Variants in RALYL observed in about 807,000 individuals in gnomAD.
RALYL encodes RNA-binding Raly-like protein.
Under a neutral mutation model 35.1 loss-of-function variants are expected in RALYL, and 29 were observed. The ratio of observed to expected loss-of-function variants is 0.83; its 90% CI spans 0.61 to 1.13. The LOEUF is 1.13. Among genes scored for constraint, RALYL ranks in the 50% most tolerant of loss-of-function variants. RALYL has a pLI of 0.00. For missense variants in RALYL, 359 were observed against 360.4 expected (o/e 1.00, Z 0.03); for synonymous variants, 120 against 127.6 (o/e 0.94, Z 0.40).
intron 1 of RALYL, among the ~76,000 whole-genome samples, chr8:84,428,586 C>A (rs1281405427): frequency 6.6e-6 from 1 of 152,106 alleles, no homozygotes; most frequent in African/African-American, 2.4e-5. Context: ...TTGTCAGTAT[C>A]TTTGTCTCTT....
At chr8:84,625,744 A>C (rs4302839) in intron 2 of RALYL, among the ~76,000 whole-genome samples, 43,753 of 151,770 alleles carry the variant, frequency 0.29, 6,924 homozygotes, top group African/African-American at 0.42. Flanking sequence ...ACACCATACA[A>C]GCTCTCAGGA....
intron 1 of RALYL, among the ~76,000 whole-genome samples, chr8:84,332,678 T>C (rs149347229): frequency 3.3e-5 from 5 of 152,290 alleles, no homozygotes; most frequent in African/African-American, 1.2e-4. Flanking sequence ...AACTCCTACC[T>C]ATTTTCCTTT....
chr8:84,482,732 C>T (rs1172823203), intron 1 of RALYL, among the ~76,000 whole-genome samples: 5 of 151,958 alleles, frequency 3.3e-5, no homozygotes, highest in African/African-American at 9.7e-5. Context: ...GTTTCACCTC[C>T]GTTCTTGTAG....
intron 4 of RALYL, among the ~76,000 whole-genome samples, chr8:84,812,416 G>A (rs553166314): frequency 1.7e-4 from 26 of 152,210 alleles, no homozygotes; most frequent in African/African-American, 5.8e-4. Context: ...CCTTCTGCTG[G>A]GAGGTGGCAC....
At chr8:84,862,645 AAC>A (rs1191295137) in intron 6 of RALYL, among the ~76,000 whole-genome samples, 192 bp downstream of exon 6, 1 of 152,234 alleles carries the variant, frequency 6.6e-6, no homozygotes, top group Non-Finnish European at 1.5e-5. Context: ...AGGGGAGACA[AAC>A]ACAAAAATGT....
intron 1 of RALYL, among the ~76,000 whole-genome samples, chr8:84,231,359 G>C (rs1825298460): frequency 6.6e-6 from 1 of 152,158 alleles, no homozygotes; most frequent in South Asian, 2.1e-4. Flanking sequence ...ACATGTATTA[G>C]CAAATATTGT....
intron 3 of RALYL, among the ~76,000 whole-genome samples, chr8:84,803,135 C>CACAT (rs1398690242): frequency 1.3e-5 from 2 of 152,308 alleles, no homozygotes; most frequent in African/African-American, 4.8e-5. Context: ...GCAAATCACA[C>CACAT]ACATACACTA....
intron 2 of RALYL, among the ~76,000 whole-genome samples, chr8:84,668,932 G>T (rs1832629250): frequency 6.6e-6 from 1 of 151,822 alleles, no homozygotes; most frequent in Non-Finnish European, 1.5e-5. Context: ...AGCTATTGAG[G>T]TTAAATGTTC....
chr8:84,258,031 G>T (rs976359546), intron 1 of RALYL, among the ~76,000 whole-genome samples: 12 of 152,078 alleles, frequency 7.9e-5, no homozygotes, highest in African/African-American at 2.4e-4. Context: ...GTATCTACAC[G>T]AAAATTCTAG....
intron 1 of RALYL, among the ~76,000 whole-genome samples, chr8:84,479,298 T>C (rs2053812932): frequency 6.6e-6 from 1 of 152,026 alleles, no homozygotes; most frequent in Non-Finnish European, 1.5e-5. Flanking sequence ...GTTTTCTCTT[T>C]TGAATGCAAA....
intron 2 of RALYL, among the ~76,000 whole-genome samples, chr8:84,746,477 T>A (rs78106207): frequency 0.013 from 1,966 of 151,988 alleles, 45 homozygotes; most frequent in African/African-American, 0.044. Context: ...CTTCATCACA[T>A]CAAACCCAAG....
At chr8:84,455,059 C>A (rs964268677) in intron 1 of RALYL, among the ~76,000 whole-genome samples, 1 of 151,872 alleles carries the variant, frequency 6.6e-6, no homozygotes, top group Non-Finnish European at 1.5e-5. Flanking sequence ...CTTTGCCATG[C>A]AAAGGGGAAT....
intron 4 of RALYL, among the ~76,000 whole-genome samples, chr8:84,844,983 G>C (rs28582647): frequency 6.6e-6 from 1 of 151,966 alleles, no homozygotes; most frequent in Non-Finnish European, 1.5e-5. Context: ...TGGGGGAAGG[G>C]GGGAGGGATA....
chr8:84,909,632 A>G (rs929176896), intron 8 of RALYL, among the ~76,000 whole-genome samples: 1 of 152,162 alleles, frequency 6.6e-6, no homozygotes, highest in African/African-American at 2.4e-5. Flanking sequence ...TGGGTTAGTT[A>G]CAGCCAAATA....
At chr8:84,842,789 C>T (rs543981438) in intron 4 of RALYL, among the ~76,000 whole-genome samples, 13 of 152,266 alleles carry the variant, frequency 8.5e-5, no homozygotes, top group African/African-American at 3.1e-4. Flanking sequence ...TGGGCTTCAT[C>T]CCTGGGATGC....
chr8:84,290,897 A>G (rs565705855), intron 1 of RALYL, among the ~76,000 whole-genome samples: 2 of 152,312 alleles, frequency 1.3e-5, no homozygotes, highest in East Asian at 3.9e-4. Flanking sequence ...TTTGATATGT[A>G]TAATACTTTT....
intron 2 of RALYL, among the ~76,000 whole-genome samples, chr8:84,756,068 A>G (rs1005946562): frequency 6.6e-6 from 1 of 152,092 alleles, no homozygotes; most frequent in Non-Finnish European, 1.5e-5. Context: ...TGAATTTTTG[A>G]GATTAGTAAT....
At chr8:84,261,660 A>G (rs532862445) in intron 1 of RALYL, among the ~76,000 whole-genome samples, 1 of 152,134 alleles carries the variant, frequency 6.6e-6, no homozygotes, top group Admixed American at 6.5e-5. Context: ...ATAGAACACT[A>G]TTTTGAAATC....
intron 1 of RALYL, among the ~76,000 whole-genome samples, chr8:84,454,306 G>C (rs1373259891): frequency 6.9e-6 from 1 of 144,086 alleles, no homozygotes; most frequent in African/African-American, 2.5e-5. Context: ...GAAGCTCTGT[G>C]TTTGTTTGAG....
Sources: gnomAD v4.1 joint callset for allele counts (sites outside exome capture counted in the v4.1 genomes callset) on GRCh38, gnomAD v4.1.1 for gene constraint, MANE v1.5 for transcripts, NCBI Gene and HGNC (gene_info 2026-07-23, HGNC 2026-07-21) for gene names.